Variants in TRAPPC9 observed in about 807,000 individuals in gnomAD.
TRAPPC9 encodes IKK2 binding protein.
In TRAPPC9, 83 loss-of-function variants were observed where a neutral mutation model predicts 124.0. That is an observed-to-expected ratio of 0.67 (90% confidence interval 0.56 to 0.80). The LOEUF is 0.80. Ranked by LOEUF, TRAPPC9 falls within the 30% of genes least tolerant of loss-of-function variation. TRAPPC9 has a pLI of 0.00. For synonymous variants in TRAPPC9, 638 were observed against 617.5 expected (o/e 1.03, Z -0.49); for missense variants, 1,302 against 1,508.3 (o/e 0.86, Z 2.27).
At chr8:139,848,472 T>C (rs1827241949) in intron 21 of TRAPPC9, among the ~76,000 whole-genome samples, 1 of 152,096 alleles carries the variant, frequency 6.6e-6, no homozygotes, top group Non-Finnish European at 1.5e-5. Flanking sequence ...CAGTGTTTAT[T>C]AGGAAACCAG....
intron 21 of TRAPPC9, among the ~76,000 whole-genome samples, chr8:139,770,341 C>G (rs1276314954): frequency 6.6e-6 from 1 of 152,242 alleles, no homozygotes; most frequent in Non-Finnish European, 1.5e-5. Flanking sequence ...ACCGTGGCTC[C>G]CCGCATTTTG....
chr8:139,955,922 G>A (rs540019275), intron 19 of TRAPPC9, among the ~76,000 whole-genome samples: 24 of 152,300 alleles, frequency 1.6e-4, no homozygotes, highest in Middle Eastern at 3.4e-3. Context: ...CTGCCCCAGT[G>A]CCCCGCCCTC....
At chr8:140,326,573 T>C (rs965222002) in intron 9 of TRAPPC9, among the ~76,000 whole-genome samples, 3 of 152,192 alleles carry the variant, frequency 2.0e-5, no homozygotes, top group Non-Finnish European at 4.4e-5. Context: ...TCATCAATGA[T>C]GACTTTAAGA....
intron 9 of TRAPPC9, among the ~76,000 whole-genome samples, chr8:140,327,292 T>C (rs2066765594): frequency 6.6e-6 from 1 of 152,196 alleles, no homozygotes; most frequent in East Asian, 1.9e-4. Flanking sequence ...CATCTGACCC[T>C]CATGCACTGC....
chr8:140,141,541 ACCCACTGACCCATGAGT>A (rs1373809968), intron 17 of TRAPPC9, among the ~76,000 whole-genome samples: 1 of 152,082 alleles, frequency 6.6e-6, no homozygotes, highest in Non-Finnish European at 1.5e-5. Flanking sequence ...TTTGTTTTGA[ACCCACTGACCCATGAGT>A]CCTTCTAGAT....
chr8:139,929,583 T>C lies in TRAPPC9; in HGVS notation c.2811-19283A>G, dbSNP rs186568789. 2.2e-3 allele frequency among the ~76,000 whole-genome samples: 339 copies of C among 152,244 alleles called. 1 individual carries two copies. The highest frequency in any genetic ancestry group is 6.1e-3 in the Admixed American group (93 of 15,302). On this transcript the variant is annotated intron_variant, in intron 19 of 22. Transcript: ENST00000438773. ...GCCTCAGTTCTTGGCTTTGGTTTTC[T>C]CTCCACACAGAGTTACCGTGCTGCC...
intron 20 of TRAPPC9, chr8:139,904,663 G>A (rs1321853105): frequency 6.6e-6 from 1 of 152,240 alleles, no homozygotes; most frequent in Non-Finnish European, 1.5e-5. Flanking sequence ...TTTGAAAGGG[G>A]TAGGTACTAC....
intron 19 of TRAPPC9, among the ~76,000 whole-genome samples, chr8:139,947,741 A>C (rs990002630): frequency 1.3e-5 from 2 of 150,602 alleles, no homozygotes; most frequent in African/African-American, 4.9e-5. Flanking sequence ...GGTGGCGGGC[A>C]CCTGTAATCC....
At chr8:139,899,213 G>T (rs1246665625) in intron 20 of TRAPPC9, among the ~76,000 whole-genome samples, 1 of 151,546 alleles carries the variant, frequency 6.6e-6, no homozygotes, top group Non-Finnish European at 1.5e-5. Context: ...GGTCAGGGGT[G>T]TCTACCGCCT....
At chr8:139,775,597 T>C (rs1243693562) in intron 21 of TRAPPC9, among the ~76,000 whole-genome samples, 1 of 152,052 alleles carries the variant, frequency 6.6e-6, no homozygotes, top group African/African-American at 2.4e-5. Flanking sequence ...CAGGGCTGAG[T>C]CCCGAGGACA....
chr8:139,881,871 G>A (rs898127889), intron 21 of TRAPPC9, among the ~76,000 whole-genome samples: 2 of 152,236 alleles, frequency 1.3e-5, no homozygotes, highest in Non-Finnish European at 2.9e-5. Flanking sequence ...CCACACTCCA[G>A]ACCGCAGGGC....
At chr8:140,214,435 T>C (rs561815442) in intron 17 of TRAPPC9, among the ~76,000 whole-genome samples, 2 of 152,148 alleles carry the variant, frequency 1.3e-5, no homozygotes, top group South Asian at 2.1e-4. Flanking sequence ...GCTGCTCTTG[T>C]TGTTAACAAC....
intron 11 of TRAPPC9, 141 bp downstream of exon 11, chr8:140,300,328 C>A: frequency 9.4e-7 from 1 of 1,059,386 alleles, no homozygotes; most frequent in South Asian, 1.3e-5. Context: ...CATATACACA[C>A]ATATGCATGC....
rs2062224253 is a variant in TRAPPC9 at position 140,182,353 on chromosome 8, G to A, written c.2556+39106C>T. ...TAAAAAAAAAAAAAAATACGGCTTG[G>A]GAATGTTGGCTTCCAAAAGTAACTG... is the stretch of plus-strand genomic sequence containing the variant. On this transcript the variant is annotated intron_variant, in intron 17 of 22. Coordinates refer to ENST00000438773, the MANE Select transcript of TRAPPC9 (RefSeq NM_001160372.4). This position sits in a 1 kb window ranked among gnomAD's most constrained non-coding sequence, Gnocchi z 4.0. 6.6e-6 allele frequency among the ~76,000 whole-genome samples: 1 copy of A among 151,554 alleles called. No individual in the cohort carries two copies. Among genetic ancestry groups the A allele is most frequent in the South Asian group, 2.1e-4 (1 of 4,814 alleles).
intron 15 of TRAPPC9, among the ~76,000 whole-genome samples, chr8:140,274,782 C>T (rs1212687709): frequency 6.6e-6 from 1 of 152,096 alleles, no homozygotes; most frequent in Non-Finnish European, 1.5e-5. Context: ...GGGAGGGAGC[C>T]CTCTGCCAGG....
upstream of TRAPPC9, among the ~76,000 whole-genome samples, chr8:140,457,943 G>C (rs1467921807): frequency 7.2e-6 from 1 of 139,248 alleles, no homozygotes; most frequent in Non-Finnish European, 1.6e-5. Context: ...AGGAGGGAGA[G>C]AAAAAGGTGG....
intron 17 of TRAPPC9, among the ~76,000 whole-genome samples, chr8:140,051,361 C>T (rs560145262): frequency 3.3e-5 from 5 of 152,160 alleles, no homozygotes; most frequent in South Asian, 2.1e-4. Context: ...CACCGTTGGT[C>T]GGTCATTTTT....
chr8:140,366,525 A>C (rs1411929234), intron 8 of TRAPPC9, among the ~76,000 whole-genome samples: 1 of 152,162 alleles, frequency 6.6e-6, no homozygotes, highest in Non-Finnish European at 1.5e-5. Context: ...ATCCACAAGC[A>C]AAAAAATAAC....
chr8:139,831,307 C>G (rs1463676426), intron 21 of TRAPPC9, among the ~76,000 whole-genome samples: 1 of 152,120 alleles, frequency 6.6e-6, no homozygotes, highest in Non-Finnish European at 1.5e-5. Flanking sequence ...GTGCCGAGAC[C>G]TGGGTTTCCG....
Sources: gnomAD v4.1 joint callset for allele counts (sites outside exome capture counted in the v4.1 genomes callset) on GRCh38, gnomAD v4.1.1 for gene constraint, Gnocchi (gnomAD v3.1) non-coding constraint, MANE v1.5 for transcripts, NCBI Gene and HGNC (gene_info 2026-07-23, HGNC 2026-07-21) for gene names.